Variants in ARHGEF17 observed in about 807,000 individuals in gnomAD.
The protein encoded by ARHGEF17 is Rho guanine nucleotide exchange factor 17.
A neutral mutation model predicts 174.0 loss-of-function variants in ARHGEF17; 80 were observed. That is an observed-to-expected ratio of 0.46 (90% CI 0.38 to 0.55). The LOEUF (loss-of-function observed/expected upper bound fraction) is 0.55. Among genes scored for constraint, ARHGEF17 ranks in the 20% least tolerant of loss-of-function variants. The pLI, the probability that ARHGEF17 is intolerant of heterozygous loss-of-function variation, is 0.00. For missense variants in ARHGEF17, 2,886 were observed against 2,839.7 expected (o/e 1.02, Z -0.37); for synonymous variants, 1,311 against 1,189.1 (o/e 1.10, Z -2.11).
chr11:73,357,357 T>TG (rs1865663048), intron 9 of ARHGEF17, 30 bp downstream of exon 9: 1 of 1,596,886 alleles, frequency 6.3e-7, no homozygotes, highest in Admixed American at 1.7e-5. Flanking sequence ...TTCTGGGTGT[T>TG]GGGGTCTTCC....
chr11:73,325,294 T>C (rs1471129995), intron 1 of ARHGEF17, among the ~76,000 whole-genome samples: 1 of 152,132 alleles, frequency 6.6e-6, no homozygotes, highest in Non-Finnish European at 1.5e-5. Flanking sequence ...GTTGAACTCT[T>C]GGGCCTCAGT....
Position 73,311,383 on chromosome 11 carries a change from G to A in ARHGEF17, c.2745G>A (p.Pro915=), listed in dbSNP as rs760691466. ...LDPKLADILS[P]RLIRRGSKKR... is the part of the protein sequence containing the mutation. ...CCAAGCTGGCTGACATTCTGTCCCC[G>A]AGGCTAATCCGCCGAGGCTCCAAGA... Residue 915 remains proline (P), a synonymous_variant, in exon 1 of 21, where the codon CCG becomes CCA. Transcript: ENST00000263674. The A allele has an allele frequency of 4.3e-6, 7 of 1,613,266 alleles. No homozygotes were observed. Among genetic ancestry groups the A allele is most frequent in the South Asian group, 2.2e-5 (2 of 91,080 alleles).
chr11:73,338,331 C>A (rs1238013335), intron 1 of ARHGEF17, among the ~76,000 whole-genome samples: 1 of 152,200 alleles, frequency 6.6e-6, no homozygotes, highest in Non-Finnish European at 1.5e-5. Context: ...TTTCTGGCTC[C>A]AGGGCCTGCC....
chr11:73,364,669 G>A, intron 18 of ARHGEF17, 69 bp downstream of exon 18: 15 of 1,538,684 alleles, frequency 9.7e-6, no homozygotes, highest in Admixed American at 2.1e-5. Flanking sequence ...GGGAGATGGA[G>A]ACCATGGTAG....
chr11:73,310,486 C>T lies in ARHGEF17; in HGVS notation c.1848C>T (p.Pro616=), dbSNP rs199547585. Residue 616 remains proline (P), a synonymous_variant, in exon 1 of 21, where the codon CCC becomes CCT. Coordinates refer to ENST00000263674, the MANE Select transcript of ARHGEF17 (RefSeq NM_014786.4). Reference sequence around the variant, plus strand: ...AACAAGATGATGGAAGCGATGCCCCCCCTGGAAGCCCTGACTGGGCAGGGG... The same window carrying T: ...AACAAGATGATGGAAGCGATGCCCCTCCTGGAAGCCCTGACTGGGCAGGGG... ...GAQQDDGSDA[P]PGSPDWAGDV... 19 of 1,614,000 alleles carry T rather than the reference C, an allele frequency of 1.2e-5. No homozygotes were observed. In the East Asian group the frequency reaches 4.2e-4, roughly 36 times the overall value.
chr11:73,352,910 C>T lies in ARHGEF17; in HGVS notation c.3351C>T (p.Ile1117=), dbSNP rs776870409. The change falls in exon 3 of 21, where the codon ATC becomes ATT. Residue 1117 remains isoleucine, a synonymous_variant. Transcript: ENST00000263674. ...PSLVDEIFDQ[I]PELLEHHEQF... is the part of the protein sequence containing the mutation. The stretch of plus-strand genomic sequence containing the variant: ...TGGTGGACGAGATCTTCGACCAGAT[C>T]CCCGAGCTCCTGGAGCACCACGAGC... The T allele has an allele frequency of 2.0e-5, 33 of 1,614,164 alleles. No homozygotes were observed. The South Asian group carries it at 3.4e-4, about 17-fold the overall frequency.
At chr11:73,335,685 A>T (rs764176095) in intron 1 of ARHGEF17, among the ~76,000 whole-genome samples, 16 of 152,216 alleles carry the variant, frequency 1.1e-4, no homozygotes, top group South Asian at 6.2e-4. Context: ...CAGCTTCCTC[A>T]CTGGAGCCAT....
rs1048543442 is a variant in ARHGEF17 at position 73,310,707 on chromosome 11, G to A, written c.2069G>A (p.Gly690Asp). The change falls in exon 1 of 21, where the codon GGC (glycine) becomes GAC (aspartate). Residue 690 changes from glycine to aspartate, a missense_variant. Gly to Asp is a moderately conservative substitution (Grantham distance 94, BLOSUM62 -1). Transcript: ENST00000263674. ...HHGPGTEDSL[G>D]GWALVSPETP... ...GGCCCTGGGACTGAGGACAGTCTGG[G>A]CGGGTGGGCCCTGGTGTCGCCTGAG... The A allele has an allele frequency of 6.2e-6, 10 of 1,613,338 alleles. No individual in the cohort carries two copies. Among genetic ancestry groups the A allele is most frequent in the Non-Finnish European group, 8.5e-6 (10 of 1,179,916 alleles).
intron 1 of ARHGEF17, among the ~76,000 whole-genome samples, chr11:73,335,435 T>G (rs957005814): frequency 6.6e-6 from 1 of 152,092 alleles, no homozygotes; most frequent in Non-Finnish European, 1.5e-5. Context: ...AAGCCCCACC[T>G]CCTGCTTCCC....
At chr11:73,349,164 C>T (rs1214151133) in intron 2 of ARHGEF17, among the ~76,000 whole-genome samples, 3 of 152,274 alleles carry the variant, frequency 2.0e-5, no homozygotes, top group East Asian at 3.9e-4. Context: ...GGTCCTTTGC[C>T]ATCCCCTAGA....
chr11:73,342,981 C>T (rs1865396813), intron 1 of ARHGEF17: 1 of 217,118 alleles, frequency 4.6e-6, no homozygotes. Flanking sequence ...GCGCTCAGAT[C>T]GACGCTGGAA....
rs1209400596 is a variant in ARHGEF17, at chr11:73,309,661, C to T, written c.1023C>T (p.Leu341=). The change falls in exon 1 of 21, where the codon CTC becomes CTT. Residue 341 remains leucine, a synonymous_variant. Coordinates refer to ENST00000263674, the MANE Select transcript of ARHGEF17 (RefSeq NM_014786.4). Reference sequence around the variant, plus strand: ...CAAGAGCCCCTAGAGAAGAAGGACTCCGGGAGTGGGGTAGTGGCTCTCCGC... The same window carrying T: ...CAAGAGCCCCTAGAGAAGAAGGACTTCGGGAGTGGGGTAGTGGCTCTCCGC... ...TSPRAPREEG[L]REWGSGSPPC... 1.2e-6 allele frequency: 2 copies of T among 1,613,092 alleles called. No individual in the cohort carries two copies. Among genetic ancestry groups the T allele is most frequent in the Non-Finnish European group, 1.7e-6 (2 of 1,180,018 alleles).
chr11:73,331,603 G>C (rs952599075), intron 1 of ARHGEF17, among the ~76,000 whole-genome samples: 2 of 152,176 alleles, frequency 1.3e-5, no homozygotes, highest in Non-Finnish European at 2.9e-5. Context: ...GGGGCCTGGA[G>C]GGTTGGGCGA....
intron 13 of ARHGEF17, 64 bp from the exon 14 acceptor site, chr11:73,362,369 G>T (rs989836607): frequency 3.4e-5 from 49 of 1,461,200 alleles, no homozygotes; most frequent in Non-Finnish European, 4.1e-5. Context: ...GTCGGTGGGC[G>T]TGTCCACCAC....
chr11:73,330,582 A>G (rs1444567121), intron 1 of ARHGEF17, among the ~76,000 whole-genome samples: 1 of 152,166 alleles, frequency 6.6e-6, no homozygotes, highest in African/African-American at 2.4e-5. Flanking sequence ...GTGGAGGGGC[A>G]GGGGCAGAGG....
At chr11:73,353,620 A>G (rs1186921382) in intron 3 of ARHGEF17, among the ~76,000 whole-genome samples, 1 of 152,168 alleles carries the variant, frequency 6.6e-6, no homozygotes, top group African/African-American at 2.4e-5. Flanking sequence ...TGAAAGTTAC[A>G]GTTAGGAAGT....
At chr11:73,317,037 C>T (rs1864939967) in intron 1 of ARHGEF17, among the ~76,000 whole-genome samples, 1 of 152,162 alleles carries the variant, frequency 6.6e-6, no homozygotes, top group Non-Finnish European at 1.5e-5. Context: ...TCTCACATGG[C>T]TGGGCAGTGT....
At chr11:73,336,675 GT>G (rs1865291500) in intron 1 of ARHGEF17, among the ~76,000 whole-genome samples, 1 of 152,210 alleles carries the variant, frequency 6.6e-6, no homozygotes, top group East Asian at 1.9e-4. Flanking sequence ...AGGACCCTGG[GT>G]TCACATTCCG....
chr11:73,310,640 T>C lies in ARHGEF17; in HGVS notation c.2002T>C (p.Trp668Arg). The C allele has an allele frequency of 7.4e-6, 12 of 1,614,108 alleles. No homozygotes were observed. The highest frequency in any genetic ancestry group is 1.0e-5 in the Non-Finnish European group (12 of 1,180,012). ...AFCGLGTTGMWRPLSSSSAQT... is the reference protein window; with the variant it reads ...AFCGLGTTGMRRPLSSSSAQT... ...TTGCGGCCTGGGTACCACAGGGATG[T>C]GGCGACCTCTTTCCTCATCCTCGGC... The change falls in exon 1 of 21, where the codon TGG (tryptophan) becomes CGG (arginine). Residue 668 changes from tryptophan to arginine, a missense_variant. Trp to Arg is a moderately radical substitution (Grantham distance 101, BLOSUM62 -3). Around this residue, in one of 4 missense-constraint regions of ARHGEF17, gnomAD observed 1,728 missense variants for 1,461.2 expected, o/e 1.18. Coordinates refer to ENST00000263674, the MANE Select transcript of ARHGEF17 (RefSeq NM_014786.4).
Sources: allele counts gnomAD v4.1 joint callset (sites outside exome capture counted in the v4.1 genomes callset), GRCh38; gene constraint gnomAD v4.1.1; regional missense constraint gnomAD v4.1.1; transcripts MANE v1.5; gene names NCBI Gene and HGNC (gene_info 2026-07-23, HGNC 2026-07-21).